The following CRPPA variants were observed in gnomAD, a reference collection of about 807,000 sequenced individuals.
CRPPA encodes CDP-L-ribitol pyrophosphorylase A, also known as D-ribitol-5-phosphate cytidylyltransferase.
In CRPPA, 43 loss-of-function variants were observed where a neutral mutation model predicts 52.0. That is an observed-to-expected ratio of 0.83 (90% CI 0.65 to 1.07). The LOEUF is 1.07. Among genes scored for constraint, CRPPA ranks in the 50% least tolerant of loss-of-function variants. CRPPA has a pLI of 0.00. For missense variants in CRPPA, 629 were observed against 551.7 expected (o/e 1.14, Z -1.40); for synonymous variants, 250 against 203.5 (o/e 1.23, Z -1.94).
chr7:16,368,479 A>G (rs986197904), intron 3 of CRPPA, among the ~76,000 whole-genome samples: 6 of 152,228 alleles, frequency 3.9e-5, no homozygotes, highest in African/African-American at 7.2e-5. Flanking sequence ...GTAAAATACA[A>G]TAGATTTTGA....
chr7:16,368,641 C>A (rs1786670211), intron 3 of CRPPA, among the ~76,000 whole-genome samples: 1 of 152,152 alleles, frequency 6.6e-6, no homozygotes, highest in Non-Finnish European at 1.5e-5. Context: ...ATATTAGTTT[C>A]TCAGTAACAC....
intron 9 of CRPPA, among the ~76,000 whole-genome samples, chr7:16,207,748 A>T (rs114464404): frequency 0.013 from 1,934 of 152,342 alleles, 48 homozygotes; most frequent in African/African-American, 0.044. Context: ...TCAAAATATC[A>T]GAAACTGGAC....
chr7:16,388,035 G>C (rs1787336480), intron 2 of CRPPA, among the ~76,000 whole-genome samples: 1 of 152,162 alleles, frequency 6.6e-6, no homozygotes, highest in Admixed American at 6.5e-5. Flanking sequence ...CCAGGCTGGA[G>C]TCCGGTAGCA....
chr7:16,109,555 C>G (rs1782220105), intron 9 of CRPPA, among the ~76,000 whole-genome samples: 1 of 152,064 alleles, frequency 6.6e-6, no homozygotes, highest in Middle Eastern at 3.4e-3. Context: ...AGACCAATAT[C>G]TTTCAGGAAC....
chr7:16,146,676 G>T (rs376294328), intron 9 of CRPPA, among the ~76,000 whole-genome samples: 1 of 152,092 alleles, frequency 6.6e-6, no homozygotes, highest in Non-Finnish European at 1.5e-5. Context: ...AATCCAAAGC[G>T]AAATGTTATC....
chr7:16,285,765 G>C (rs1044774827), intron 5 of CRPPA, among the ~76,000 whole-genome samples: 2 of 151,494 alleles, frequency 1.3e-5, no homozygotes, highest in Non-Finnish European at 2.9e-5. Flanking sequence ...GCTCACGACT[G>C]TAATCCCAGC....
chr7:16,149,908 C>T lies in CRPPA; in HGVS notation c.1252-58109G>A, dbSNP rs553844752. 2.0e-4 allele frequency among the ~76,000 whole-genome samples: 30 copies of T among 151,686 alleles called. No individual in the cohort carries two copies. In the Middle Eastern group the frequency reaches 0.01, roughly 52 times the overall value. On this transcript the variant is annotated intron_variant, in intron 9 of 9. Coordinates refer to ENST00000407010, the MANE Select transcript of CRPPA (RefSeq NM_001101426.4). ...GGCTGAGGCAGGAGAACTGATTGAA[C>T]TCGGGAGGCGGAAGTTGCAGTGAGC...
At chr7:16,399,243 A>T (rs751009398) in intron 2 of CRPPA, among the ~76,000 whole-genome samples, 6 of 152,216 alleles carry the variant, frequency 3.9e-5, no homozygotes, top group Non-Finnish European at 8.8e-5. Context: ...GACAGGATTG[A>T]ATCGCACAGG....
chr7:16,132,378 G>A (rs1377858829), intron 9 of CRPPA, among the ~76,000 whole-genome samples: 1 of 124,726 alleles, frequency 8.0e-6, no homozygotes, highest in African/African-American at 2.6e-5. Context: ...ATGAAGACAG[G>A]ATCTAAACAA....
chr7:16,128,787 A>G (rs953310719), intron 9 of CRPPA, among the ~76,000 whole-genome samples: 2 of 152,178 alleles, frequency 1.3e-5, no homozygotes, highest in African/African-American at 4.8e-5. Context: ...TGCAATTATA[A>G]CAGATTATGA....
At chr7:16,280,899 AGTCCCAGCTACGCAG>A (rs1330854125) in intron 5 of CRPPA, among the ~76,000 whole-genome samples, 2 of 152,128 alleles carry the variant, frequency 1.3e-5, no homozygotes, top group African/African-American at 4.8e-5. Context: ...GCACTCCTGT[AGTCCCAGCTACGCAG>A]GAGGCTGAGG....
intron 3 of CRPPA, among the ~76,000 whole-genome samples, chr7:16,373,598 C>A (rs1786806059): frequency 6.6e-6 from 1 of 152,098 alleles, no homozygotes; most frequent in Admixed American, 6.5e-5. Context: ...AAAACAGGCA[C>A]TAAAAGAACA....
intron 4 of CRPPA, among the ~76,000 whole-genome samples, chr7:16,303,855 C>T (rs907303973): frequency 1.3e-5 from 2 of 152,002 alleles, no homozygotes; most frequent in African/African-American, 4.8e-5. Flanking sequence ...ATGTATTCCC[C>T]AACAAAAGGA....
At chr7:16,339,892 T>C (rs937848587) in intron 3 of CRPPA, among the ~76,000 whole-genome samples, 8 of 151,920 alleles carry the variant, frequency 5.3e-5, no homozygotes, top group Middle Eastern at 3.4e-3. Flanking sequence ...ATCAAGATAG[T>C]GTGATATTGG....
intron 9 of CRPPA, among the ~76,000 whole-genome samples, chr7:16,113,876 G>A (rs1182084066): frequency 6.6e-6 from 1 of 152,056 alleles, no homozygotes; most frequent in African/African-American, 2.4e-5. Context: ...CTAAAGAGCA[G>A]GAAGGCATGG....
intron 9 of CRPPA, among the ~76,000 whole-genome samples, chr7:16,138,502 T>C (rs901814430): frequency 9.9e-5 from 15 of 152,146 alleles, no homozygotes; most frequent in African/African-American, 4.8e-5. Context: ...CAAGTCTACA[T>C]TTACCTATAT....
In CRPPA at chr7:16,406,302, G is replaced by A. The variant is rs765153915; in HGVS notation, c.293C>T (p.Thr98Ile). Residue 98 changes from threonine to isoleucine, a missense_variant, in exon 2 of 10, where the codon ACT becomes ATT. By Grantham distance (89) the Thr-to-Ile change is moderately conservative. Coordinates refer to ENST00000407010, the MANE Select transcript of CRPPA (RefSeq NM_001101426.4). ...CWIKDIVVAV[T>I]GENMEVMKSI... ...TTTCATTACTTCCATGTTCTCTCCA[G>A]TTACTGCCACAACAATGTCCTTTAT... 1 of 1,613,716 alleles carries A rather than the reference G, an allele frequency of 6.2e-7. No homozygotes were observed.
intron 9 of CRPPA, among the ~76,000 whole-genome samples, chr7:16,203,723 C>A (rs186629588): frequency 3.3e-4 from 51 of 152,274 alleles, no homozygotes; most frequent in Non-Finnish European, 1.3e-4. Flanking sequence ...TTAAACCACT[C>A]TGTGTTGTGT....
Position 16,406,293 on chromosome 7 carries a change from T to G in CRPPA, c.302A>C (p.Asn101Thr), listed in dbSNP as rs1469876643. 1.2e-6 allele frequency: 2 copies of G among 1,613,796 alleles called. No homozygotes were observed. Among genetic ancestry groups the G allele is most frequent in the East Asian group, 4.5e-5 (2 of 44,902 alleles). ...AATAATACTTTTCATTACTTCCATG[T>G]TCTCTCCAGTTACTGCCACAACAAT... is the stretch of plus-strand genomic sequence containing the variant. ...KDIVVAVTGE[N>T]MEVMKSIIQK... The change falls in exon 2 of 10, where the codon AAC (asparagine) becomes ACC (threonine). Residue 101 changes from asparagine to threonine, a missense_variant. Physicochemically the swap from Asn to Thr is moderately conservative, Grantham distance 65. Coordinates refer to ENST00000407010, the MANE Select transcript of CRPPA (RefSeq NM_001101426.4).
Sources: gnomAD v4.1 joint callset for allele counts (sites outside exome capture counted in the v4.1 genomes callset) on GRCh38, gnomAD v4.1.1 for gene constraint, MANE v1.5 for transcripts, NCBI Gene and HGNC (gene_info 2026-07-23, HGNC 2026-07-21) for gene names.